Variants in PCDHA8 observed in about 807,000 individuals in gnomAD.
PCDHA8 encodes protocadherin alpha 8.
In PCDHA8, 53 loss-of-function variants were observed where a neutral mutation model predicts 61.8. That is an observed-to-expected ratio of 0.86 (90% CI 0.69 to 1.08). The LOEUF (loss-of-function observed/expected upper bound fraction) is 1.08, where lower values mean the gene tolerates loss of function less well. Ranked by LOEUF, PCDHA8 falls within the 50% of genes least tolerant of loss-of-function variation. The probability of loss-of-function intolerance (pLI) is 0.00; values close to 1 mark genes in which losing one functional copy is unlikely to be tolerated. For missense variants in PCDHA8, 1,293 were observed against 1,245.0 expected, an observed-to-expected ratio of 1.04 and a Z score of -0.58; for synonymous variants, 618 against 556.6, an observed-to-expected ratio of 1.11 and a Z score of -1.55.
chr5:140,876,206 C>T, intron 1 of PCDHA8: 1 of 1,613,864 alleles, frequency 6.2e-7, no homozygotes, highest in South Asian at 1.1e-5. Context: ...TTTGATAAGC[C>T]CAGCTATAAA....
At chr5:140,928,576 A>G in intron 1 of PCDHA8, 1 of 1,614,160 alleles carries the variant, frequency 6.2e-7, no homozygotes, top group South Asian at 1.1e-5. Flanking sequence ...CTTGCCCAGA[A>G]ATGGTTCTGT....
In PCDHA8 at chr5:141,009,850, C is replaced by A; in HGVS notation, c.2766C>A (p.Thr922=). The A allele has an allele frequency of 1.2e-6, 2 of 1,613,572 alleles. No individual in the cohort carries two copies. Among genetic ancestry groups the A allele is most frequent in the Non-Finnish European group, 1.7e-6 (2 of 1,179,906 alleles). ...DFITFGKKEE[T]KKKKKKKKGN... ...TAACCTTCGGCAAAAAGGAGGAGAC[C>A]AAGAAAAAGAAGAAAAAGAAGAAGG... The change falls in exon 4 of 4, where the codon ACC becomes ACA. Residue 922 remains threonine (T), a synonymous_variant. Coordinates refer to ENST00000531613, the MANE Select transcript of PCDHA8 (RefSeq NM_018911.3).
At chr5:140,886,507 G>A (rs2061007189) in intron 1 of PCDHA8, among the ~76,000 whole-genome samples, 1 of 151,788 alleles carries the variant, frequency 6.6e-6, no homozygotes, top group South Asian at 2.1e-4. Context: ...TCCTTTTATG[G>A]ATTTTAAGGT....
chr5:140,841,473 A>G lies in PCDHA8; in HGVS notation c.152A>G (p.Asp51Gly). 6.2e-7 allele frequency: 1 copy of G among 1,612,990 alleles called. No homozygotes were observed. The highest frequency in any genetic ancestry group is 8.5e-7 in the Non-Finnish European group (1 of 1,179,888). Residue 51 changes from aspartate (D) to glycine (G), a missense_variant, in exon 1 of 4, where the codon GAC (aspartate) becomes GGC (glycine). By Grantham distance (94) the Asp-to-Gly change is moderately conservative. Transcript: ENST00000531613. ...HGTFVGRIAQDLGLELAELVP... is the reference protein window; with the variant it reads ...HGTFVGRIAQGLGLELAELVP... ...ACCTTCGTGGGCCGGATCGCGCAGG[A>G]CCTGGGGCTGGAGCTGGCGGAGCTG...
In PCDHA8 at chr5:140,843,447, G is replaced by T. The variant is rs2150360204; in HGVS notation, c.2126G>T (p.Ser709Ile). The part of the protein sequence containing the change: ...YLIIAICAVS[S>I]LLVLTLLLYT... The stretch of plus-strand genomic sequence containing the variant: ...ATCATCGCCATCTGCGCGGTATCCA[G>T]CCTGCTGGTGCTCACGCTGCTGCTG... The change falls in exon 1 of 4, where the codon AGC (serine) becomes ATC (isoleucine). Residue 709 changes from serine (S) to isoleucine (I), a missense_variant. By Grantham distance (142) the Ser-to-Ile change is moderately radical (BLOSUM62 -2). Coordinates refer to ENST00000531613, the MANE Select transcript of PCDHA8 (RefSeq NM_018911.3). 44 of 1,596,056 alleles carry T rather than the reference G, an allele frequency of 2.8e-5. 4 individuals carry two copies. The highest frequency in any genetic ancestry group is 3.3e-4 in the Middle Eastern group (2 of 6,002).
chr5:140,848,680 G>C (rs2150417098), intron 1 of PCDHA8: 2 of 1,592,250 alleles, frequency 1.3e-6, no homozygotes, highest in African/African-American at 1.3e-5. Context: ...CTGGTGCCGC[G>C]CCTGTTCCAG....
At chr5:140,852,799 C>A in intron 1 of PCDHA8, 3 of 976,698 alleles carry the variant, frequency 3.1e-6, no homozygotes, top group Non-Finnish European at 3.7e-6. Context: ...CTACAGATGT[C>A]ATTTGTCTCC....
At chr5:140,882,667 C>A in intron 1 of PCDHA8, 1 of 1,614,160 alleles carries the variant, frequency 6.2e-7, no homozygotes, top group Middle Eastern at 1.6e-4. Flanking sequence ...CGCCCATATT[C>A]CCTGAAAGCA....
chr5:140,854,562 C>G (rs1316320721), intron 1 of PCDHA8: 1 of 149,730 alleles, frequency 6.7e-6, no homozygotes, highest in Non-Finnish European at 1.5e-5. Flanking sequence ...AATATTGTTG[C>G]TCTGTCATTC....
intron 1 of PCDHA8, among the ~76,000 whole-genome samples, chr5:140,894,634 T>C (rs1412183022): frequency 1.3e-5 from 2 of 151,970 alleles, no homozygotes; most frequent in Non-Finnish European, 2.9e-5. Flanking sequence ...TCCAATCATA[T>C]CATTACTGAG....
At chr5:140,858,825 A>G in intron 1 of PCDHA8, 1 of 333,686 alleles carries the variant, frequency 3.0e-6, no homozygotes, top group Non-Finnish European at 5.6e-6. Flanking sequence ...TTGTATTTGC[A>G]TTACCAAAAA....
At chr5:140,917,015 G>A (rs538557329) in intron 1 of PCDHA8, among the ~76,000 whole-genome samples, 1 of 152,240 alleles carries the variant, frequency 6.6e-6, no homozygotes, top group East Asian at 1.9e-4. Flanking sequence ...CTCCCTTCAT[G>A]TGCAGCTGCT....
At chr5:140,869,457 T>A (rs1554163081) in intron 1 of PCDHA8, 2 of 1,614,184 alleles carry the variant, frequency 1.2e-6, no homozygotes, top group Non-Finnish European at 1.7e-6. Flanking sequence ...AGGTTTTCCA[T>A]GTGAACGTGG....
rs1305370888 is a variant in PCDHA8, at chr5:140,852,030, T to C, written c.2394+8315T>C. 9.7e-5 allele frequency: 91 copies of C among 938,230 alleles called. 9 individuals are homozygous for C. The highest frequency in any genetic ancestry group is 9.0e-5 in the Non-Finnish European group (70 of 773,886). The allele number at this position is 938,230 out of a possible 1,614,324, so 58.1% of individuals were successfully genotyped here. A position where few individuals can be genotyped will look rare whatever the true frequency, so the allele number is the denominator to read the frequency against. On this transcript the variant is annotated intron_variant, in intron 1 of 3. Coordinates refer to ENST00000531613, the MANE Select transcript of PCDHA8 (RefSeq NM_018911.3). ...TTTATAGTTTTAAAAACTTCGCTTATTGAGTTTTTGTTATGTGGTTTATAT... is the reference window on the plus strand; with the variant it reads ...TTTATAGTTTTAAAAACTTCGCTTACTGAGTTTTTGTTATGTGGTTTATAT...
intron 1 of PCDHA8, among the ~76,000 whole-genome samples, chr5:140,978,369 A>G (rs1015473344): frequency 6.6e-6 from 1 of 152,196 alleles, no homozygotes; most frequent in Non-Finnish European, 1.5e-5. Flanking sequence ...CAAACTCTGC[A>G]ATAGTTTGTT....
At chr5:140,924,681 G>T (rs558083953) in intron 1 of PCDHA8, among the ~76,000 whole-genome samples, 1 of 152,180 alleles carries the variant, frequency 6.6e-6, no homozygotes, top group East Asian at 1.9e-4. Flanking sequence ...AATCACTTGA[G>T]GTCAGGAGTT....
At chr5:140,980,507 G>A (rs1274816745) in intron 2 of PCDHA8, among the ~76,000 whole-genome samples, 1 of 152,136 alleles carries the variant, frequency 6.6e-6, no homozygotes, top group African/African-American at 2.4e-5. Flanking sequence ...GCATGTGCCT[G>A]TAGTTCCAGC....
chr5:140,882,602 A>G lies in PCDHA8; in HGVS notation c.2394+38887A>G, dbSNP rs782347582. 1.9e-6 allele frequency: 3 copies of G among 1,614,276 alleles called. No homozygotes were observed. In the South Asian group the frequency reaches 3.3e-5, roughly 18 times the overall value. ...CATCCACCTGGAGGTGATCGTGGAC[A>G]GGCCTCTGCAGGTTTTCCATGTGGA... On this transcript the variant is annotated intron_variant, in intron 1 of 3. Coordinates refer to ENST00000531613, the MANE Select transcript of PCDHA8 (RefSeq NM_018911.3).
At chr5:140,903,942 A>G (rs1279645269) in intron 1 of PCDHA8, among the ~76,000 whole-genome samples, 5 of 152,212 alleles carry the variant, frequency 3.3e-5, no homozygotes, top group African/African-American at 1.2e-4. Flanking sequence ...TACCTCTTAA[A>G]TACTGGAAAA....
Sources: gnomAD v4.1 joint callset for allele counts (sites outside exome capture counted in the v4.1 genomes callset) on GRCh38, gnomAD v4.1.1 for gene constraint, MANE v1.5 for transcripts, NCBI Gene and HGNC (gene_info 2026-07-23, HGNC 2026-07-21) for gene names.